Variants in TRAPPC8 observed in about 807,000 individuals in gnomAD.
TRAPPC8 encodes general sporulation gene 1 homolog.
In TRAPPC8, 54 loss-of-function variants were observed where a neutral mutation model predicts 174.3. The observed-to-expected ratio is 0.31, with a 90% CI of 0.25 to 0.39. The LOEUF (loss-of-function observed/expected upper bound fraction) is 0.39. TRAPPC8 is among the 10% of genes least tolerant of loss of function. TRAPPC8 has a pLI of 1.00. For missense variants in TRAPPC8, 1,531 were observed against 1,699.1 expected, an observed-to-expected ratio of 0.90 and a Z score of 1.74; for synonymous variants, 630 against 579.9, an observed-to-expected ratio of 1.09 and a Z score of -1.24.
chr18:31,921,278 G>A (rs780355267), intron 2 of TRAPPC8, among the ~76,000 whole-genome samples: 1 of 152,066 alleles, frequency 6.6e-6, no homozygotes, highest in African/African-American at 2.4e-5. Flanking sequence ...AGAGAAAGAA[G>A]GGAGATAAGA....
At chr18:31,870,233 ACATAT>A (rs1163314793) in intron 16 of TRAPPC8, 134 bp downstream of exon 16, 4 of 675,456 alleles carry the variant, frequency 5.9e-6, no homozygotes, top group Non-Finnish European at 9.0e-6. Context: ...AAAAATAAGT[ACATAT>A]CATAATTTTT....
rs1293558507 is a variant in TRAPPC8, at chr18:31,908,995, T to C, written c.881A>G (p.Asn294Ser). The change falls in exon 7 of 29, where the codon AAC becomes AGC. Residue 294 changes from asparagine (N) to serine (S), a missense_variant. Asn to Ser is a conservative substitution (Grantham distance 46). Coordinates refer to ENST00000283351, the MANE Select transcript of TRAPPC8 (RefSeq NM_014939.5). ...CAACTGAAGTGGGTGAGCTCTAAAG[T>C]TATTTGGTAAGCCATCTACTGAAAA... ...DNEVKDGLPNNFRAHPLQLEQ... is the reference protein window; with the variant it reads ...DNEVKDGLPNSFRAHPLQLEQ... 5.0e-6 allele frequency: 8 copies of C among 1,606,840 alleles called. No individual in the cohort carries two copies. The highest frequency in any genetic ancestry group is 3.4e-5 in the Admixed American group (2 of 59,600).
intron 24 of TRAPPC8, among the ~76,000 whole-genome samples, 175 bp from the exon 25 acceptor site, chr18:31,849,914 G>A (rs1031579175): frequency 6.6e-6 from 1 of 151,652 alleles, no homozygotes; most frequent in African/African-American, 2.4e-5. Flanking sequence ...ATACAGGGAG[G>A]CCACTTGAAC....
At chr18:31,924,068 G>A (rs1385796702) in intron 2 of TRAPPC8, among the ~76,000 whole-genome samples, 1 of 152,096 alleles carries the variant, frequency 6.6e-6, no homozygotes, top group Non-Finnish European at 1.5e-5. Flanking sequence ...TGGATCACCT[G>A]ATGTCAGGAG....
At chr18:31,892,154 C>A (rs960400447) in intron 11 of TRAPPC8, among the ~76,000 whole-genome samples, 3 of 152,076 alleles carry the variant, frequency 2.0e-5, no homozygotes, top group African/African-American at 7.2e-5. Flanking sequence ...AAAAAGAATA[C>A]ATGTTTGAAG....
intron 12 of TRAPPC8, among the ~76,000 whole-genome samples, chr18:31,881,789 G>GA (rs545262894): frequency 3.3e-5 from 5 of 150,840 alleles, no homozygotes; most frequent in Non-Finnish European, 5.9e-5. Context: ...CTTAAATCAA[G>GA]AAAAAAAATC....
At chr18:31,858,014 T>C in intron 19 of TRAPPC8, 32 bp from the exon 20 acceptor site, 1 of 1,533,184 alleles carries the variant, frequency 6.5e-7, no homozygotes, top group East Asian at 2.3e-5. Flanking sequence ...TTATTATTTG[T>C]CTGTTAAAAA....
intron 12 of TRAPPC8, among the ~76,000 whole-genome samples, chr18:31,880,088 A>ATATATATAT (rs1555668900): frequency 1.6e-5 from 1 of 61,468 alleles, no homozygotes; most frequent in Admixed American, 1.2e-4. Flanking sequence ...ATTGAAAAAA[A>ATATATATAT]AAATATATAT....
rs535462146 is a variant in TRAPPC8, at chr18:31,856,913, G to A, written c.3188+627C>T. Among the ~76,000 whole-genome samples, 10 of 147,068 alleles carry A rather than the reference G, an allele frequency of 6.8e-5. 1 individual carries two copies. The South Asian group carries it at 1.9e-3, about 28-fold the overall frequency. On this transcript the variant is annotated intron_variant, in intron 20 of 28. Transcript: ENST00000283351. ...TGTAGTCTTGACTTCCTGGGCTCAA[G>A]CGAATCTCCTGCCTCAGCCTCCCAA...
At chr18:31,837,054 G>A (rs550011919) in intron 27 of TRAPPC8, among the ~76,000 whole-genome samples, 14 of 152,084 alleles carry the variant, frequency 9.2e-5, no homozygotes, top group East Asian at 3.9e-4. Context: ...GAGCCACCGC[G>A]CCCGGCCCAT....
intron 4 of TRAPPC8, among the ~76,000 whole-genome samples, chr18:31,915,320 G>A (rs2037083845): frequency 6.6e-6 from 1 of 151,914 alleles, no homozygotes; most frequent in African/African-American, 2.4e-5. Context: ...AATTAGCCGG[G>A]CGTAGTGTCA....
intron 1 of TRAPPC8, 100 bp downstream of exon 1, chr18:31,942,508 G>C (rs576569605): frequency 7.0e-5 from 96 of 1,374,922 alleles, no homozygotes; most frequent in Non-Finnish European, 8.8e-5. Context: ...ACCGGCTCCA[G>C]GACGTAAACA....
rs752724942 is a variant in TRAPPC8, at chr18:31,908,820, T to A, written c.1056A>T (p.Ile352=). ...AAAGGCCCCGAAATGTGAACTCTTGTATAAACTGTCGAATTCTATCATGAT... is the reference window on the plus strand; with the variant it reads ...AAAGGCCCCGAAATGTGAACTCTTGAATAAACTGTCGAATTCTATCATGAT... ...LTDHDRIRQF[I]QEFTFRGLLP... Residue 352 remains isoleucine, a synonymous_variant, in exon 7 of 29, where the codon ATA becomes ATT. Coordinates refer to ENST00000283351, the MANE Select transcript of TRAPPC8 (RefSeq NM_014939.5). The A allele has an allele frequency of 6.2e-7, 1 of 1,613,736 alleles. No individual in the cohort carries two copies. The highest frequency in any genetic ancestry group is 1.7e-5 in the Admixed American group (1 of 60,016).
rs187994306 is a variant in TRAPPC8 at position 31,830,668 on chromosome 18, A to G, written c.*87T>C. On this transcript the variant is annotated 3_prime_UTR_variant, in exon 29 of 29. Coordinates refer to ENST00000283351, the MANE Select transcript of TRAPPC8 (RefSeq NM_014939.5). ...AGGGATCAGATATCAATCAACCTCC[A>G]TAACAAGTTAGGTATATCAAATACT... 446 of 1,141,380 alleles carry G rather than the reference A, an allele frequency of 3.9e-4. No homozygotes were observed. In the African/African-American group the frequency reaches 6.4e-3, roughly 16 times the overall value. The allele number at this position is 1,141,380 out of a possible 1,614,324, so 70.7% of individuals were successfully genotyped here.
At chr18:31,897,934 C>T in intron 10 of TRAPPC8, 43 bp from the exon 11 acceptor site, 1 of 1,513,416 alleles carries the variant, frequency 6.6e-7, no homozygotes, top group Non-Finnish European at 9.1e-7. Flanking sequence ...ACAATAATAC[C>T]TTAGCACATC....
At chr18:31,899,683 G>A (rs1212481044) in intron 10 of TRAPPC8, among the ~76,000 whole-genome samples, 1 of 152,140 alleles carries the variant, frequency 6.6e-6, no homozygotes, top group African/African-American at 2.4e-5. Flanking sequence ...GCGGTGGCTC[G>A]CACCTGTAAT....
At chr18:31,845,580 C>T (rs893182737) in intron 26 of TRAPPC8, among the ~76,000 whole-genome samples, 3 of 149,452 alleles carry the variant, frequency 2.0e-5, no homozygotes, top group South Asian at 2.1e-4. Flanking sequence ...TAATTAAGAA[C>T]GATTAAGGGA....
At chr18:31,837,657 C>T (rs2032832824) in intron 27 of TRAPPC8, among the ~76,000 whole-genome samples, 1 of 151,962 alleles carries the variant, frequency 6.6e-6, no homozygotes, top group Non-Finnish European at 1.5e-5. Flanking sequence ...AAGATCGTAT[C>T]ACTGCACTCC....
chr18:31,885,139 G>A (rs931226678), intron 12 of TRAPPC8, among the ~76,000 whole-genome samples: 1 of 152,082 alleles, frequency 6.6e-6, no homozygotes, highest in Non-Finnish European at 1.5e-5. Context: ...TTATAGGCGT[G>A]AGCCACCGTA....
Sources: gnomAD v4.1 joint callset for allele counts (sites outside exome capture counted in the v4.1 genomes callset) on GRCh38, gnomAD v4.1.1 for gene constraint, MANE v1.5 for transcripts, NCBI Gene and HGNC (gene_info 2026-07-23, HGNC 2026-07-21) for gene names.